FTO: variants seen among roughly 807,000 people sequenced by gnomAD.
FTO encodes FTO alpha-ketoglutarate dependent dioxygenase.
Under a neutral mutation model 63.9 loss-of-function variants are expected in FTO, and 47 were observed. The observed-to-expected ratio is 0.74, with a 90% confidence interval of 0.58 to 0.94. The LOEUF (loss-of-function observed/expected upper bound fraction) is 0.94. Among genes scored for constraint, FTO ranks in the 40% least tolerant of loss-of-function variants. FTO has a pLI of 0.00. For missense variants in FTO, 562 were observed against 618.1 expected, an observed-to-expected ratio of 0.91 and a Z score of 0.96; for synonymous variants, 207 against 224.4, an observed-to-expected ratio of 0.92 and a Z score of 0.69.
chr16:54,078,985 A>G (rs1331012205), intron 8 of FTO, among the ~76,000 whole-genome samples: 3 of 152,210 alleles, frequency 2.0e-5, no homozygotes, highest in Non-Finnish European at 2.9e-5. Context: ...TCTACATAAA[A>G]TATTTAGCTG....
At chr16:53,881,026 G>A (rs976477651) in intron 6 of FTO, among the ~76,000 whole-genome samples, 1 of 150,828 alleles carries the variant, frequency 6.6e-6, no homozygotes, top group Non-Finnish European at 1.5e-5. Flanking sequence ...GGAGGCTGAA[G>A]CAGGAGAATG....
chr16:53,730,604 C>T (rs2076250891), intron 1 of FTO, among the ~76,000 whole-genome samples: 1 of 152,064 alleles, frequency 6.6e-6, no homozygotes, highest in African/African-American at 2.4e-5. Context: ...AGGTGATCCT[C>T]CCAACACAGC....
In FTO at chr16:53,808,823, A is replaced by ACTT. The variant is rs144144421; in HGVS notation, c.46-1316_46-1314dup. ...CCGTTATCTAATTTTTATAAATGTG[A>ACTT]CTTACTGGCTGACAGTAGCTTTGGT... is the stretch of plus-strand genomic sequence containing the variant. On this transcript the variant is annotated intron_variant, in intron 1 of 8. Coordinates refer to ENST00000471389, the MANE Select transcript of FTO (RefSeq NM_001080432.3). 5.9e-5 allele frequency among the ~76,000 whole-genome samples: 9 copies of ACTT among 152,308 alleles called. No individual in the cohort carries two copies. In the East Asian group the frequency reaches 1.7e-3, roughly 29 times the overall value.
intron 3 of FTO, among the ~76,000 whole-genome samples, chr16:53,833,179 C>A (rs1474813533): frequency 1.3e-5 from 2 of 152,186 alleles, no homozygotes; most frequent in African/African-American, 4.8e-5. Flanking sequence ...CTTGCCACTG[C>A]CATGTAAGAA....
intron 1 of FTO, among the ~76,000 whole-genome samples, chr16:53,720,360 A>G (rs527250350): frequency 6.6e-6 from 1 of 152,052 alleles, no homozygotes; most frequent in East Asian, 1.9e-4. Flanking sequence ...TGTTATGTAG[A>G]TATAAATATG....
At chr16:53,950,160 A>AAAAAAAAAAAAAAC (rs1567466149) in intron 8 of FTO, among the ~76,000 whole-genome samples, 10 of 115,586 alleles carry the variant, frequency 8.7e-5, no homozygotes, top group South Asian at 2.5e-4. Flanking sequence ...ATTTGTAAAA[A>AAAAAAAAAAAAAAC]AAAAAAAAAA....
chr16:53,947,327 A>G (rs1377744995), intron 8 of FTO, among the ~76,000 whole-genome samples: 1 of 152,174 alleles, frequency 6.6e-6, no homozygotes, highest in East Asian at 1.9e-4. Flanking sequence ...TCATTACTTT[A>G]CAGAAACTTG....
chr16:53,946,859 C>G (rs2082661634), intron 8 of FTO, among the ~76,000 whole-genome samples: 2 of 152,188 alleles, frequency 1.3e-5, no homozygotes, highest in African/African-American at 4.8e-5. Flanking sequence ...ATAGGTTTTG[C>G]TAAGGCAGCC....
chr16:54,104,953 G>T (rs781363601), intron 8 of FTO, among the ~76,000 whole-genome samples: 1 of 152,244 alleles, frequency 6.6e-6, no homozygotes, highest in Non-Finnish European at 1.5e-5. Flanking sequence ...CACATAAGAA[G>T]AGGGATACTG....
intron 8 of FTO, chr16:53,993,650 C>T (rs969267229): frequency 2.0e-5 from 3 of 152,188 alleles, no homozygotes; most frequent in Admixed American, 1.3e-4. Flanking sequence ...GGGGTTCCAT[C>T]GCAAGCTCTT....
intron 1 of FTO, among the ~76,000 whole-genome samples, chr16:53,758,874 T>G (rs2076982747): frequency 6.6e-6 from 1 of 151,826 alleles, no homozygotes; most frequent in African/African-American, 2.4e-5. Flanking sequence ...GTTGTGATAA[T>G]GTATTGTTAT....
At chr16:53,989,723 C>T (rs561778763) in intron 8 of FTO, among the ~76,000 whole-genome samples, 43 of 152,220 alleles carry the variant, frequency 2.8e-4, no homozygotes, top group Middle Eastern at 6.8e-3. Context: ...TCCACTTATA[C>T]GTGGATCTTT....
At chr16:54,026,140 A>G (rs1293310388) in intron 8 of FTO, among the ~76,000 whole-genome samples, 2 of 152,258 alleles carry the variant, frequency 1.3e-5, no homozygotes, top group Admixed American at 1.3e-4. Context: ...GGTAACTTAA[A>G]CAATATCAGG....
chr16:53,815,180 G>A (rs535344206), intron 2 of FTO, among the ~76,000 whole-genome samples: 27 of 152,174 alleles, frequency 1.8e-4, no homozygotes, highest in African/African-American at 6.5e-4. Flanking sequence ...CTGAGATGAG[G>A]AGGCATGAGA....
At chr16:53,882,200 CT>C (rs1458849411) in intron 6 of FTO, among the ~76,000 whole-genome samples, 39 of 152,058 alleles carry the variant, frequency 2.6e-4, no homozygotes, top group Admixed American at 2.6e-3. Flanking sequence ...AAAAAATGTT[CT>C]CATGCATCCT....
At chr16:53,772,065 T>C (rs528452848) in intron 1 of FTO, among the ~76,000 whole-genome samples, 20 of 152,140 alleles carry the variant, frequency 1.3e-4, no homozygotes, top group Non-Finnish European at 5.9e-5. Flanking sequence ...GAATATACTT[T>C]CTGGCTTGTA....
chr16:53,965,070 C>A (rs543431577), intron 8 of FTO, among the ~76,000 whole-genome samples: 1 of 141,154 alleles, frequency 7.1e-6, no homozygotes, highest in South Asian at 2.1e-4. Flanking sequence ...TAGTGATGAA[C>A]CCCCCGCCCT....
chr16:54,086,839 C>T (rs2086263458), intron 8 of FTO, among the ~76,000 whole-genome samples: 1 of 152,186 alleles, frequency 6.6e-6, no homozygotes, highest in Non-Finnish European at 1.5e-5. Context: ...TAAAAGCAAA[C>T]ACTTAGGGGA....
At chr16:54,102,258 A>C (rs8058661) in intron 8 of FTO, among the ~76,000 whole-genome samples, 33,116 of 152,096 alleles carry the variant, frequency 0.22, 4,163 homozygotes, top group African/African-American at 0.34. Context: ...AATTTCATGA[A>C]AAAGACACCA....
Sources: allele counts gnomAD v4.1 joint callset (sites outside exome capture counted in the v4.1 genomes callset), GRCh38; gene constraint gnomAD v4.1.1; transcripts MANE v1.5; gene names NCBI Gene and HGNC (gene_info 2026-07-23, HGNC 2026-07-21).